Variants in SNCAIP observed in about 807,000 individuals in gnomAD.
The protein encoded by SNCAIP is synuclein alpha interacting protein, also known as synphilin-1.
A neutral mutation model predicts 86.7 loss-of-function variants in SNCAIP; 43 were observed. The ratio of observed to expected loss-of-function variants is 0.50; its 90% CI spans 0.39 to 0.64. The LOEUF (loss-of-function observed/expected upper bound fraction) is 0.64. SNCAIP is among the 30% of genes least tolerant of loss of function. The probability of loss-of-function intolerance (pLI) is 0.00; values close to 1 mark genes in which losing one functional copy is unlikely to be tolerated. For missense variants in SNCAIP, 981 were observed against 1,103.1 expected (o/e 0.89, Z 1.57); for synonymous variants, 417 against 427.2 (o/e 0.98, Z 0.29).
At chr5:122,378,552 C>T (rs1231627677) in intron 1 of SNCAIP, among the ~76,000 whole-genome samples, 1 of 142,716 alleles carries the variant, frequency 7.0e-6, no homozygotes, top group East Asian at 2.1e-4. Flanking sequence ...TAATTAGATC[C>T]CATTTGTCAA....
chr5:122,320,481 G>A (rs1752692263), intron 1 of SNCAIP, among the ~76,000 whole-genome samples: 1 of 152,140 alleles, frequency 6.6e-6, no homozygotes, highest in South Asian at 2.1e-4. Flanking sequence ...TAGGAAGGGG[G>A]CTAATAAATA....
intron 1 of SNCAIP, among the ~76,000 whole-genome samples, chr5:122,329,074 A>G (rs1754726641): frequency 6.6e-6 from 1 of 152,214 alleles, no homozygotes; most frequent in Non-Finnish European, 1.5e-5. Context: ...CCTCAATGCC[A>G]GGCACCATGT....
intron 10 of SNCAIP, among the ~76,000 whole-genome samples, chr5:122,456,538 G>A (rs1561818794): frequency 6.6e-6 from 1 of 152,148 alleles, no homozygotes; most frequent in Non-Finnish European, 1.5e-5. Context: ...GGAAGTAAAG[G>A]TGAGGCCCTG....
intron 6 of SNCAIP, 47 bp from the exon 7 acceptor site, chr5:122,440,582 T>A: frequency 6.3e-7 from 1 of 1,588,588 alleles, no homozygotes; most frequent in South Asian, 1.1e-5. Flanking sequence ...TTTATCTAAC[T>A]TCTCTGCAAG....
chr5:122,373,627 C>G (rs534683782), intron 1 of SNCAIP, among the ~76,000 whole-genome samples: 1 of 152,330 alleles, frequency 6.6e-6, no homozygotes, highest in East Asian at 1.9e-4. Context: ...TGGGCATTTA[C>G]AGACATCCTT....
Position 122,440,519 on chromosome 5 carries a change from A to T in SNCAIP, c.1297-110A>T, listed in dbSNP as rs545775744. On this transcript the variant is annotated intron_variant, in intron 6 of 10. Coordinates refer to ENST00000261368, the MANE Select transcript of SNCAIP (RefSeq NM_005460.4). The stretch of plus-strand genomic sequence containing the variant: ...AATGAGAATTTTCTCTTGCTACGGT[A>T]AGCATGGTTTTACCTAAGCTTCACA... The T allele has an allele frequency of 5.2e-5, 53 of 1,011,034 alleles. No individual in the cohort carries two copies. The South Asian group carries it at 6.5e-4, about 12-fold the overall frequency. The allele number at this position is 1,011,034 out of a possible 1,614,324, so 62.6% of individuals were successfully genotyped here. A position where few individuals can be genotyped will look rare whatever the true frequency, so the allele number is the denominator to read the frequency against.
rs116508791 is a variant in SNCAIP at position 122,341,080 on chromosome 5, C to T, written c.-47+28796C>T. Among the ~76,000 whole-genome samples the T allele has an allele frequency of 1.8e-3, 279 of 152,220 alleles. 1 individual carries two copies. The highest frequency in any genetic ancestry group is 2.9e-3 in the Non-Finnish European group (196 of 67,998). Reference sequence around the variant, plus strand: ...ATTCAACCCCAAGAGCCTACTTTGCCGTGAGGAAGGACATATTTAAAGTTA... The same window carrying T: ...ATTCAACCCCAAGAGCCTACTTTGCTGTGAGGAAGGACATATTTAAAGTTA... On this transcript the variant is annotated intron_variant, in intron 1 of 10. Transcript: ENST00000261368.
At position 122,451,162 on chromosome 5, in the gene SNCAIP, A is replaced by G. The variant is rs775778528; in HGVS notation, c.2315A>G (p.Asn772Ser). Reference sequence around the variant, plus strand: ...CCAGGCTCAGGGAGTATTCCTCCAAACCAGCCCTCTGGTGACCCTCAGCAG... The same window carrying G: ...CCAGGCTCAGGGAGTATTCCTCCAAGCCAGCCCTCTGGTGACCCTCAGCAG... ...QYPGSGSIPP[N>S]QPSGDPQQPS... The change falls in exon 10 of 11, where the codon AAC becomes AGC. Residue 772 changes from asparagine (N) to serine (S), a missense_variant. Transcript: ENST00000261368. 2 of 1,614,116 alleles carry G rather than the reference A, an allele frequency of 1.2e-6. No homozygotes were observed. Among genetic ancestry groups the G allele is most frequent in the Non-Finnish European group, 1.7e-6 (2 of 1,180,008 alleles).
At chr5:122,363,695 A>AAC (rs397728618) in intron 1 of SNCAIP, among the ~76,000 whole-genome samples, 12 of 146,798 alleles carry the variant, frequency 8.2e-5, no homozygotes, top group Admixed American at 2.7e-4. Flanking sequence ...AAAAAAAAAA[A>AAC]CCCCCTCTTG....
chr5:122,365,813 G>C (rs1221990585), intron 1 of SNCAIP, among the ~76,000 whole-genome samples: 1 of 152,184 alleles, frequency 6.6e-6, no homozygotes, highest in Admixed American at 6.5e-5. Flanking sequence ...TGGTGAACAA[G>C]CCAAAGGATC....
intron 1 of SNCAIP, among the ~76,000 whole-genome samples, chr5:122,363,400 C>A (rs139267066): frequency 6.6e-6 from 1 of 152,148 alleles, no homozygotes; most frequent in Admixed American, 6.5e-5. Context: ...GGCATTGCTC[C>A]CTGGAAGGGA....
intron 1 of SNCAIP, among the ~76,000 whole-genome samples, chr5:122,355,413 A>T (rs764134710): frequency 3.9e-5 from 6 of 152,176 alleles, no homozygotes; most frequent in Non-Finnish European, 7.3e-5. Context: ...CAATGTTGGT[A>T]CATAATGAAC....
At chr5:122,352,198 A>G (rs1760008602) in intron 1 of SNCAIP, among the ~76,000 whole-genome samples, 1 of 152,216 alleles carries the variant, frequency 6.6e-6, no homozygotes, top group Admixed American at 6.5e-5. Flanking sequence ...TCAGTTCTAC[A>G]TTGTCATCAA....
chr5:122,316,478 C>G (rs2152650385), intron 1 of SNCAIP, among the ~76,000 whole-genome samples: 1 of 152,286 alleles, frequency 6.6e-6, no homozygotes, highest in South Asian at 2.1e-4. Flanking sequence ...GTGACAAGAC[C>G]AACAAATGCT....
intron 1 of SNCAIP, among the ~76,000 whole-genome samples, chr5:122,314,914 G>A (rs1055057074): frequency 6.6e-6 from 1 of 152,240 alleles, no homozygotes; most frequent in East Asian, 1.9e-4. Flanking sequence ...CTTTTCGTAA[G>A]GAACATTTTC....
rs541363852 is a variant in SNCAIP, at chr5:122,418,381, G to A, written c.131-4487G>A. Among the ~76,000 whole-genome samples, 45 of 152,168 alleles carry A rather than the reference G, an allele frequency of 3.0e-4. No homozygotes were observed. In the South Asian group the frequency reaches 7.9e-3, roughly 27 times the overall value. ...TTTTTGCTTTACCTGTATTGCACCT[G>A]TACTATGTTTATTTAATATATTTTT... On this transcript the variant is annotated intron_variant, in intron 3 of 10. Transcript: ENST00000261368.
intron 1 of SNCAIP, among the ~76,000 whole-genome samples, chr5:122,386,564 G>T (rs1057193682): frequency 6.6e-6 from 1 of 152,126 alleles, no homozygotes; most frequent in Non-Finnish European, 1.5e-5. Flanking sequence ...CTGAAAGCCG[G>T]GCATCAGTTT....
At chr5:122,364,411 T>C (rs1436515651) in intron 1 of SNCAIP, among the ~76,000 whole-genome samples, 1 of 152,242 alleles carries the variant, frequency 6.6e-6, no homozygotes, top group African/African-American at 2.4e-5. Flanking sequence ...TCTTGGGGTC[T>C]GGATCAGGAC....
At chr5:122,313,917 A>G (rs1751185884) in intron 1 of SNCAIP, among the ~76,000 whole-genome samples, 1 of 152,268 alleles carries the variant, frequency 6.6e-6, no homozygotes, top group African/African-American at 2.4e-5. Flanking sequence ...AATAAAATAT[A>G]GCATGGGATT....
Sources: gnomAD v4.1 joint callset for allele counts (sites outside exome capture counted in the v4.1 genomes callset) on GRCh38, gnomAD v4.1.1 for gene constraint, MANE v1.5 for transcripts, NCBI Gene and HGNC (gene_info 2026-07-23, HGNC 2026-07-21) for gene names.